SAMD14: variants seen among roughly 807,000 people sequenced by gnomAD.
The protein encoded by SAMD14 is sterile alpha motif domain containing 14.
A neutral mutation model predicts 46.2 loss-of-function variants in SAMD14; 27 were observed. That is an observed-to-expected ratio of 0.58 (90% confidence interval 0.43 to 0.81). The LOEUF is 0.81. Among genes scored for constraint, SAMD14 ranks in the 30% least tolerant of loss-of-function variants. The pLI, the probability that SAMD14 is intolerant of heterozygous loss-of-function variation, is 0.00. For synonymous variants in SAMD14, 241 were observed against 254.3 expected, an observed-to-expected ratio of 0.95 and a Z score of 0.50; for missense variants, 559 against 582.2, an observed-to-expected ratio of 0.96 and a Z score of 0.41.
Position 50,110,132 on chromosome 17 carries a change from T to A in SAMD14, c.*2761A>T, listed in dbSNP as rs746524634. 1.9e-6 allele frequency: 3 copies of A among 1,549,948 alleles called. No homozygotes were observed. Among genetic ancestry groups the A allele is most frequent in the Non-Finnish European group, 2.6e-6 (3 of 1,142,512 alleles). On this transcript the variant is annotated 3_prime_UTR_variant, in exon 10 of 10. Transcript: ENST00000330175. Reference sequence around the variant, plus strand: ...TGCATCTGCACCTGAGAGGACGGACTGCCGCCTCTGGGTCCCCCCACCGTG... The same window carrying A: ...TGCATCTGCACCTGAGAGGACGGACAGCCGCCTCTGGGTCCCCCCACCGTG...
rs760557394 is a variant in SAMD14 at position 50,117,570 on chromosome 17, G to T, written c.336C>A (p.Asp112Glu). 6.5e-7 allele frequency: 1 copy of T among 1,550,310 alleles called. No individual in the cohort carries two copies. The highest frequency in any genetic ancestry group is 8.6e-7 in the Non-Finnish European group (1 of 1,158,442). Reference sequence around the variant, plus strand: ...GTGTGAGCGGCGAGGGCGGCGGCTCGTCCTCGTCCAGGCTGCGCCGCAACC... The same window carrying T: ...GTGTGAGCGGCGAGGGCGGCGGCTCTTCCTCGTCCAGGCTGCGCCGCAACC... The part of the protein sequence containing the change: ...PPGLRRSLDE[D>E]EPPPSPLTRY... Residue 112 changes from aspartate (D) to glutamate (E), a missense_variant, in exon 4 of 10, where the codon GAC (aspartate) becomes GAA (glutamate). By Grantham distance (45) the Asp-to-Glu change is conservative. Transcript: ENST00000330175.
rs899381828 is a variant in SAMD14 at position 50,115,459 on chromosome 17, T to C, written c.822+105A>G. On this transcript the variant is annotated intron_variant, in intron 7 of 9. Transcript: ENST00000330175. This position sits in a 1 kb window ranked among gnomAD's most constrained non-coding sequence, Gnocchi z 5.3. ...CTGCATGGCTCCATGGATGGACAAATTGATTCCAGGAATGTCTGAATCCCA... is the reference window on the plus strand; with the variant it reads ...CTGCATGGCTCCATGGATGGACAAACTGATTCCAGGAATGTCTGAATCCCA... The C allele has an allele frequency of 7.1e-6, 9 of 1,264,660 alleles. No homozygotes were observed. In the African/African-American group the frequency reaches 9.0e-5, roughly 13 times the overall value. The allele number at this position is 1,264,660 out of a possible 1,614,324, so 78.3% of individuals were successfully genotyped here.
rs1360774432 is a variant in SAMD14 at position 50,110,927 on chromosome 17, T to C, written c.*1966A>G. ...TTCTCCCTAGGACCTTCTGTGTATA[T>C]AGTTAGTTTTATAACCCTGAATGCC... On this transcript the variant is annotated 3_prime_UTR_variant, in exon 10 of 10. Transcript: ENST00000330175. 1 of 152,270 alleles carries C rather than the reference T, an allele frequency of 6.6e-6. No homozygotes were observed. The highest frequency in any genetic ancestry group is 1.5e-5 in the Non-Finnish European group (1 of 68,088). 9.4% of individuals were successfully genotyped at this position (152,270 alleles called of 1,614,324 possible). A position where few individuals can be genotyped will look rare whatever the true frequency, so the allele number is the denominator to read the frequency against.
intron 1 of SAMD14, among the ~76,000 whole-genome samples, chr17:50,128,537 C>G (rs368784781): frequency 7.3e-5 from 11 of 151,502 alleles, no homozygotes; most frequent in African/African-American, 2.4e-4. Context: ...GGTAACTGCA[C>G]AAGGGTGGGA....
chr17:50,118,130 G>A (rs1567720537), intron 3 of SAMD14, 31 bp downstream of exon 3: 2 of 1,553,370 alleles, frequency 1.3e-6, no homozygotes, highest in African/African-American at 2.7e-5. Flanking sequence ...GGGTGGGAGG[G>A]TGTATATGTG....
intron 2 of SAMD14, chr17:50,124,220 C>A (rs928128461): frequency 2.2e-6 from 1 of 455,818 alleles, no homozygotes; most frequent in Admixed American, 2.3e-5. Context: ...TTTCTCCAGT[C>A]CACACAAGAG....
At chr17:50,114,338 G>T in intron 7 of SAMD14, 32 bp from the exon 8 acceptor site, 1 of 1,614,054 alleles carries the variant, frequency 6.2e-7, no homozygotes, top group Non-Finnish European at 8.5e-7. Flanking sequence ...CCACTGAGGA[G>T]AGTTCACCCC....
rs765238669 is a variant in SAMD14 at position 50,118,180 on chromosome 17, G to A, written c.191C>T (p.Ser64Leu). ...SASSAEDGEGSDGPGGKVTDG... is the reference protein window; with the variant it reads ...SASSAEDGEGLDGPGGKVTDG... ...CCCAACCTTGCCTCCGGGCCCATCC[G>A]AGCCTTCACCATCCTCCGCGGAGCT... Residue 64 changes from serine to leucine, a missense_variant, in exon 3 of 10, where the codon TCG becomes TTG. Coordinates refer to ENST00000330175, the MANE Select transcript of SAMD14 (RefSeq NM_001257359.2). The A allele has an allele frequency of 6.9e-6, 11 of 1,603,794 alleles. No individual in the cohort carries two copies. The highest frequency in any genetic ancestry group is 2.2e-5 in the East Asian group (1 of 44,548).
At chr17:50,120,819 C>T (rs987286321) in intron 2 of SAMD14, among the ~76,000 whole-genome samples, 2 of 152,206 alleles carry the variant, frequency 1.3e-5, no homozygotes, top group African/African-American at 2.4e-5. Flanking sequence ...TTCAAGTCTT[C>T]GCTTAAATGC....
At position 50,117,432 on chromosome 17, in the gene SAMD14, G is replaced by A; in HGVS notation, c.474C>T (p.His158=). 2 of 1,344,048 alleles carry A rather than the reference G, an allele frequency of 1.5e-6. No individual in the cohort carries two copies. The highest frequency in any genetic ancestry group is 3.1e-5 in the East Asian group (1 of 32,500). 83.3% of individuals were successfully genotyped at this position (1,344,048 alleles called of 1,614,324 possible). A position where few individuals can be genotyped will look rare whatever the true frequency, so the allele number is the denominator to read the frequency against. ...SDSSPSFVRR[H]PRAEPHSEDD... ...CTTCGCTGTGCGGCTCTGCGCGCGG[G>A]TGGCGGCGCACGAAGCTGGGGGAGC... Residue 158 remains histidine (H), a synonymous_variant, in exon 4 of 10, where the codon CAC becomes CAT. Coordinates refer to ENST00000330175, the MANE Select transcript of SAMD14 (RefSeq NM_001257359.2).
rs909974628 is a variant in SAMD14, at chr17:50,117,780, G to C, written c.211-85C>G. The C allele has an allele frequency of 2.3e-6, 3 of 1,309,324 alleles. No homozygotes were observed. The Admixed American group carries it at 1.1e-4, about 49-fold the overall frequency. 81.1% of individuals were successfully genotyped at this position (1,309,324 alleles called of 1,614,324 possible). On this transcript the variant is annotated intron_variant, in intron 3 of 9. Transcript: ENST00000330175. ...GAGACTTTCACCCTGTAAACTGCGG[G>C]CCCTGAGGGTCCTTCCGGGGCCTAG...
intron 4 of SAMD14, among the ~76,000 whole-genome samples, chr17:50,116,818 C>T (rs1319290214): frequency 6.6e-6 from 1 of 152,198 alleles, no homozygotes; most frequent in East Asian, 1.9e-4. Context: ...TGCTGCCGCA[C>T]ACATTTCCCA....
intron 1 of SAMD14, among the ~76,000 whole-genome samples, chr17:50,126,652 A>G (rs1351594221): frequency 6.6e-6 from 1 of 152,094 alleles, no homozygotes; most frequent in African/African-American, 2.4e-5. Context: ...GCCACTTTAC[A>G]GATGTGAAAA....
rs770945942 is a variant in SAMD14 at position 50,124,769 on chromosome 17, G to A, written c.43+148C>T. 4.4e-4 allele frequency: 208 copies of A among 477,184 alleles called. 2 individuals carry two copies. In the Middle Eastern group the frequency reaches 4.4e-3, roughly 10 times the overall value. The allele number at this position is 477,184 out of a possible 1,614,324, so 29.6% of individuals were successfully genotyped here. A position where few individuals can be genotyped will look rare whatever the true frequency, so the allele number is the denominator to read the frequency against. On this transcript the variant is annotated intron_variant, in intron 2 of 9. Coordinates refer to ENST00000330175, the MANE Select transcript of SAMD14 (RefSeq NM_001257359.2). ...AATACCTGCACGCGTGCACGCGCGC[G>A]CGCACACACACACACACACACACAC...
intron 2 of SAMD14, among the ~76,000 whole-genome samples, chr17:50,121,645 A>G (rs1911506403): frequency 6.6e-6 from 1 of 151,892 alleles, no homozygotes; most frequent in African/African-American, 2.4e-5. Context: ...CATGTCCCAT[A>G]CTCTCCTGCT....
At chr17:50,120,915 A>T (rs1239760364) in intron 2 of SAMD14, among the ~76,000 whole-genome samples, 1 of 151,394 alleles carries the variant, frequency 6.6e-6, no homozygotes, top group African/African-American at 2.4e-5. Context: ...TTCCTATATC[A>T]TTTCTCATTC....
chr17:50,115,691 C>T lies in SAMD14; in HGVS notation c.695G>A (p.Gly232Asp). 6.2e-7 allele frequency: 1 copy of T among 1,604,266 alleles called. No individual in the cohort carries two copies. Among genetic ancestry groups the T allele is most frequent in the Non-Finnish European group, 8.5e-7 (1 of 1,173,670 alleles). The change falls in exon 7 of 10, where the codon GGC becomes GAC. Residue 232 changes from glycine (G) to aspartate (D), a missense_variant. Gly to Asp is a moderately conservative substitution (Grantham distance 94). Transcript: ENST00000330175. The surrounding 1 kb of genome is among the most constrained non-coding windows in gnomAD (Gnocchi z 5.3). ...ESVEGSGRSG[G>D]SPFLPFSWFT... is the part of the protein sequence containing the mutation. ...CCAGGAAAAAGGCAGGAACGGGGAGCCCCCTGACCTGCCGGACCCCTCCAC... is the reference window on the plus strand; with the variant it reads ...CCAGGAAAAAGGCAGGAACGGGGAGTCCCCTGACCTGCCGGACCCCTCCAC...
At chr17:50,121,285 T>C (rs1414166325) in intron 2 of SAMD14, among the ~76,000 whole-genome samples, 3 of 145,850 alleles carry the variant, frequency 2.1e-5, no homozygotes, top group Non-Finnish European at 3.0e-5. Context: ...GTACCTTCCA[T>C]GTGACTAGAA....
rs1567719250 is a variant in SAMD14, at chr17:50,115,917, A to G, written c.588-13T>C. 6.2e-7 allele frequency: 1 copy of G among 1,613,058 alleles called. No homozygotes were observed. Among genetic ancestry groups the G allele is most frequent in the African/African-American group, 1.3e-5 (1 of 75,032 alleles). ...GCGCAGGGTGACCCTGTGGGGAGGC[A>G]GCAGGAAGTGGGGCAGGGCTGCCCA... On this transcript the variant is annotated splice_polypyrimidine_tract_variant and intron_variant, in intron 5 of 9. Transcript: ENST00000330175. This position sits in a 1 kb window ranked among gnomAD's most constrained non-coding sequence, Gnocchi z 5.3.
Sources: gnomAD v4.1 joint callset for allele counts (sites outside exome capture counted in the v4.1 genomes callset) on GRCh38, gnomAD v4.1.1 for gene constraint, Gnocchi (gnomAD v3.1) non-coding constraint, MANE v1.5 for transcripts, NCBI Gene and HGNC (gene_info 2026-07-23, HGNC 2026-07-21) for gene names.